Variants in CADM2 observed in about 807,000 individuals in gnomAD.
CADM2 encodes the protein immunoglobulin superfamily member 4D.
A neutral mutation model predicts 49.8 loss-of-function variants in CADM2; 12 were observed. The observed-to-expected ratio is 0.24, with a 90% CI of 0.15 to 0.39. The LOEUF is 0.39. CADM2 is among the 10% of genes least tolerant of loss of function. The pLI, the probability that CADM2 is intolerant of heterozygous loss-of-function variation, is 1.00. For missense variants in CADM2, 378 were observed against 492.3 expected (o/e 0.77, Z 2.20); for synonymous variants, 214 against 175.4 (o/e 1.22, Z -1.74).
At chr3:85,266,783 C>A (rs956632153) in intron 1 of CADM2, among the ~76,000 whole-genome samples, 4 of 151,814 alleles carry the variant, frequency 2.6e-5, no homozygotes, top group Non-Finnish European at 4.4e-5. Context: ...TGTAGAAGTT[C>A]TAGATTAGTT....
intron 1 of CADM2, among the ~76,000 whole-genome samples, chr3:85,618,124 A>G (rs1340327078): frequency 2.6e-5 from 4 of 152,210 alleles, no homozygotes; most frequent in African/African-American, 4.8e-5. Context: ...AGCAACTTAA[A>G]TTGAAAACAA....
At chr3:85,480,140 G>A (rs58450413) in intron 1 of CADM2, among the ~76,000 whole-genome samples, 2,395 of 151,682 alleles carry the variant, frequency 0.016, 78 homozygotes, top group African/African-American at 0.055. Flanking sequence ...AGATAAATAG[G>A]GAGATATATT....
At chr3:85,403,158 C>T (rs2035201164) in intron 1 of CADM2, among the ~76,000 whole-genome samples, 1 of 152,054 alleles carries the variant, frequency 6.6e-6, no homozygotes, top group Admixed American at 6.5e-5. Context: ...ATCTTTAAAA[C>T]ATATTCTGGA....
At chr3:85,499,677 A>G (rs2040038065) in intron 1 of CADM2, among the ~76,000 whole-genome samples, 1 of 152,024 alleles carries the variant, frequency 6.6e-6, no homozygotes, top group South Asian at 2.1e-4. Context: ...TACCTTTTTA[A>G]GATACAGTTG....
At chr3:85,590,584 CATTT>C in intron 1 of CADM2, among the ~76,000 whole-genome samples, 1 of 151,924 alleles carries the variant, frequency 6.6e-6, no homozygotes, top group East Asian at 1.9e-4. Flanking sequence ...ATACAAATTC[CATTT>C]AAGCGAGAAT....
intron 1 of CADM2, among the ~76,000 whole-genome samples, chr3:85,351,336 C>T (rs2031322514): frequency 6.6e-6 from 1 of 152,096 alleles, no homozygotes; most frequent in Non-Finnish European, 1.5e-5. Flanking sequence ...ATACTCTGTC[C>T]AGTCAAACAG....
At chr3:84,963,962 TTAAA>T (rs1300468618) in intron 1 of CADM2, among the ~76,000 whole-genome samples, 4 of 152,172 alleles carry the variant, frequency 2.6e-5, no homozygotes, top group Non-Finnish European at 4.4e-5. Context: ...TAACTGTGGC[TTAAA>T]TAGTCAAACA....
chr3:85,481,868 A>G (rs376697945), intron 1 of CADM2, among the ~76,000 whole-genome samples: 44 of 149,956 alleles, frequency 2.9e-4, no homozygotes, highest in African/African-American at 9.0e-4. Context: ...TGAACACTCT[A>G]TTGATGTTAT....
intron 1 of CADM2, among the ~76,000 whole-genome samples, chr3:85,680,392 A>G (rs970109357): frequency 7.2e-5 from 11 of 152,188 alleles, no homozygotes; most frequent in Admixed American, 3.9e-4. Context: ...ATATGTTTTT[A>G]TCATAATAGA....
At chr3:85,066,738 A>G (rs1241333568) in intron 1 of CADM2, among the ~76,000 whole-genome samples, 1 of 152,202 alleles carries the variant, frequency 6.6e-6, no homozygotes, top group Non-Finnish European at 1.5e-5. Flanking sequence ...TAGTTAAGCC[A>G]AATTGGATAC....
At chr3:85,509,943 T>C (rs968915196) in intron 1 of CADM2, among the ~76,000 whole-genome samples, 9 of 152,052 alleles carry the variant, frequency 5.9e-5, no homozygotes, top group Non-Finnish European at 8.8e-5. Flanking sequence ...CCAATATTCC[T>C]ATAATCATGG....
chr3:85,468,291 C>T (rs1312753495), intron 1 of CADM2, among the ~76,000 whole-genome samples: 1 of 151,958 alleles, frequency 6.6e-6, no homozygotes, highest in Non-Finnish European at 1.5e-5. Flanking sequence ...GTTGCCTCCC[C>T]CGTAGAGAAG....
intron 1 of CADM2, among the ~76,000 whole-genome samples, chr3:85,030,283 G>T (rs2034922232): frequency 6.6e-6 from 1 of 151,952 alleles, no homozygotes; most frequent in African/African-American, 2.4e-5. Flanking sequence ...TAGATCAAAC[G>T]GCAAGACAAC....
chr3:85,292,272 C>A (rs906556897), intron 1 of CADM2, among the ~76,000 whole-genome samples: 1 of 149,276 alleles, frequency 6.7e-6, no homozygotes, highest in African/African-American at 2.6e-5. Flanking sequence ...AATACAAGAG[C>A]ACCCAGATTC....
rs769589117 is a variant in CADM2 at position 85,067,009 on chromosome 3, G to C, written c.61+107341G>C. ...CAGGGCTATATTTGTATCATTTTGA[G>C]ATTTAGGATAATATATTAATCATTT... On this transcript the variant is annotated intron_variant, in intron 1 of 9. Coordinates refer to ENST00000383699, the MANE Select transcript of CADM2 (RefSeq NM_001167675.2). Among the ~76,000 whole-genome samples the C allele has an allele frequency of 4.1e-4, 62 of 152,078 alleles. 1 individual carries two copies. Among genetic ancestry groups the C allele is most frequent in the South Asian group, 1.2e-3 (6 of 4,824 alleles).
intron 1 of CADM2, among the ~76,000 whole-genome samples, chr3:85,637,632 A>AAAATAAAATAAAATAAAATAAAATAAAAT (rs1553753417): frequency 6.1e-4 from 89 of 145,670 alleles, no homozygotes; most frequent in South Asian, 2.1e-3. Context: ...AAAATAAAAT[A>AAAATAAAATAAAATAAAATAAAATAAAAT]AAATAAATAA....
At chr3:85,783,950 A>G (rs2070810904) in intron 2 of CADM2, among the ~76,000 whole-genome samples, 1 of 152,196 alleles carries the variant, frequency 6.6e-6, no homozygotes, top group African/African-American at 2.4e-5. Flanking sequence ...TAGCTGGTCA[A>G]TGACTTTAAC....
intron 1 of CADM2, among the ~76,000 whole-genome samples, chr3:85,565,235 A>T (rs2062222870): frequency 6.6e-6 from 1 of 151,942 alleles, no homozygotes; most frequent in Non-Finnish European, 1.5e-5. Flanking sequence ...AAGAAAAAAA[A>T]TACTTTGAAA....
chr3:85,568,711 T>C (rs1576827697), intron 1 of CADM2, among the ~76,000 whole-genome samples: 1 of 149,674 alleles, frequency 6.7e-6, no homozygotes, highest in Non-Finnish European at 1.5e-5. Context: ...CAGGCAATTC[T>C]CCTGCCTCAG....
Sources: allele counts gnomAD v4.1 joint callset (sites outside exome capture counted in the v4.1 genomes callset), GRCh38; gene constraint gnomAD v4.1.1; transcripts MANE v1.5; gene names NCBI Gene and HGNC (gene_info 2026-07-23, HGNC 2026-07-21).